Variants in SCAP observed in about 807,000 individuals in gnomAD.
SCAP encodes the protein SREBF chaperone.
SCAP carries 65 observed loss-of-function variants against 123.6 expected under a neutral mutation model. That is an observed-to-expected ratio of 0.53 (90% CI 0.43 to 0.65). The LOEUF is 0.65. Among genes scored for constraint, SCAP ranks in the 30% least tolerant of loss-of-function variants. The pLI, the probability that SCAP is intolerant of heterozygous loss-of-function variation, is 0.00. For synonymous variants in SCAP, 740 were observed against 726.3 expected, an observed-to-expected ratio of 1.02 and a Z score of -0.30; for missense variants, 1,398 against 1,712.5, an observed-to-expected ratio of 0.82 and a Z score of 3.24.
At chr3:47,427,132 GA>G in intron 6 of SCAP, 24 bp downstream of exon 6, 2 of 1,548,176 alleles carry the variant, frequency 1.3e-6, no homozygotes, top group Non-Finnish European at 1.8e-6. Context: ...GACCAGTCAA[GA>G]GCCCAGGGTA....
At chr3:47,451,940 C>A (rs35827617) in intron 1 of SCAP, among the ~76,000 whole-genome samples, 1,396 of 60,374 alleles carry the variant, frequency 0.023, 385 homozygotes, top group Middle Eastern at 0.079. Context: ...AACCTCATTC[C>A]CATCTCAGGG....
At chr3:47,448,379 T>C (rs757613619) in intron 1 of SCAP, among the ~76,000 whole-genome samples, 2 of 152,170 alleles carry the variant, frequency 1.3e-5, no homozygotes, top group African/African-American at 2.4e-5. Flanking sequence ...GTGGATTCTT[T>C]GGAAATTTCT....
At chr3:47,465,298 G>A (rs1347802986) in intron 1 of SCAP, among the ~76,000 whole-genome samples, 2 of 151,966 alleles carry the variant, frequency 1.3e-5, no homozygotes, top group Non-Finnish European at 2.9e-5. Context: ...AGCCTCCTGA[G>A]TAACTGGGAT....
chr3:47,472,277 C>G, intron 1 of SCAP, among the ~76,000 whole-genome samples: 3 of 148,248 alleles, frequency 2.0e-5, no homozygotes, highest in Middle Eastern at 7.2e-3. Context: ...ACTAAAAATA[C>G]AAAAAAATTA....
At chr3:47,421,575 G>C (rs1383018155) in intron 10 of SCAP, among the ~76,000 whole-genome samples, 1 of 152,264 alleles carries the variant, frequency 6.6e-6, no homozygotes, top group Non-Finnish European at 1.5e-5. Flanking sequence ...TGAGATGTCG[G>C]TGTTGAGACC....
At chr3:47,455,062 CAT>C (rs58460988) in intron 1 of SCAP, among the ~76,000 whole-genome samples, 14,639 of 127,372 alleles carry the variant, frequency 0.11, 837 homozygotes, top group Middle Eastern at 0.15. Flanking sequence ...AAAAAAATTA[CAT>C]ATATATATAT....
chr3:47,428,578 A>C lies in SCAP; in HGVS notation c.345T>G (p.Phe115Leu). 6.2e-7 allele frequency: 1 copy of C among 1,614,228 alleles called. No homozygotes were observed. Among genetic ancestry groups the C allele is most frequent in the Non-Finnish European group, 8.5e-7 (1 of 1,180,038 alleles). Reference sequence around the variant, plus strand: ...GGAATGCCCGGGACAAAGGTGAACGAAATACATCTACTGCCAGGAGGTTCT... The same window carrying C: ...GGAATGCCCGGGACAAAGGTGAACGCAATACATCTACTGCCAGGAGGTTCT... ...WHKNLLAVDVFRSPLSRAFQL... is the reference protein window; with the variant it reads ...WHKNLLAVDVLRSPLSRAFQL... Residue 115 changes from phenylalanine (F) to leucine (L), a missense_variant, in exon 4 of 23, where the codon TTT (phenylalanine) becomes TTG (leucine). Phe to Leu is a conservative substitution (Grantham distance 22). Around this residue, in one of 7 missense-constraint regions of SCAP, gnomAD observed 319 missense variants for 432.4 expected, o/e 0.74. Coordinates refer to ENST00000265565, the MANE Select transcript of SCAP (RefSeq NM_012235.4).
chr3:47,466,065 G>A (rs1339271607), intron 1 of SCAP, among the ~76,000 whole-genome samples: 1 of 150,710 alleles, frequency 6.6e-6, no homozygotes, highest in South Asian at 2.1e-4. Flanking sequence ...CCCAGGAGGT[G>A]GAGTTTGCAG....
intron 6 of SCAP, among the ~76,000 whole-genome samples, chr3:47,426,801 A>G (rs1211683965): frequency 6.6e-6 from 1 of 152,156 alleles, no homozygotes; most frequent in Non-Finnish European, 1.5e-5. Context: ...GCCCTTGCCA[A>G]TTGGGGAGCT....
chr3:47,462,569 C>T (rs559696771), intron 1 of SCAP, among the ~76,000 whole-genome samples: 20 of 151,828 alleles, frequency 1.3e-4, no homozygotes, highest in South Asian at 8.3e-4. Flanking sequence ...CTGGCTAACA[C>T]GGTGAAACCC....
intron 16 of SCAP, 57 bp downstream of exon 16, chr3:47,418,077 G>C: frequency 7.5e-7 from 1 of 1,332,810 alleles, no homozygotes; most frequent in Non-Finnish European, 1.0e-6. Context: ...GTGGCGGCGG[G>C]GGGTGGGGTG....
rs761238914 is a variant in SCAP, at chr3:47,443,033, C to G, written c.-40G>C. The G allele has an allele frequency of 6.2e-7, 1 of 1,611,904 alleles. No homozygotes were observed. The highest frequency in any genetic ancestry group is 1.1e-5 in the South Asian group (1 of 90,894). On this transcript the variant is annotated 5_prime_UTR_variant, in exon 2 of 23. Transcript: ENST00000265565. The stretch of plus-strand genomic sequence containing the variant: ...ACCTTGCTGCCATCCCGGAAAGTGA[C>G]CATGGATCACCCTGGCACACACTTG...
intron 1 of SCAP, among the ~76,000 whole-genome samples, chr3:47,463,494 G>T (rs1020419144): frequency 5.9e-5 from 9 of 152,150 alleles, no homozygotes; most frequent in Non-Finnish European, 1.0e-4. Context: ...TTGAGGTCAG[G>T]AGTTTGAGAC....
intron 1 of SCAP, among the ~76,000 whole-genome samples, chr3:47,471,021 T>C (rs903473024): frequency 6.6e-6 from 1 of 152,176 alleles, no homozygotes; most frequent in Non-Finnish European, 1.5e-5. Flanking sequence ...GTCCCCAAGT[T>C]AATGACTAAG....
Position 47,417,132 on chromosome 3 carries a change from A to AGTTTT in SCAP, c.3045_3046insAAAAC (p.Leu1016LysfsTer57). The stretch of plus-strand genomic sequence containing the variant: ...GCAGGCCACGCTCACCTTTTGTCCA[A>AGTTTT]GAACACCAGAGCGGTAATGCCTGAG... On this transcript the variant is annotated frameshift_variant, in exon 18 of 23. Transcript: ENST00000265565. LOFTEE classifies it high-confidence loss of function. 1 of 1,613,048 alleles carries AGTTTT rather than the reference A, an allele frequency of 6.2e-7. No homozygotes were observed. The highest frequency in any genetic ancestry group is 8.5e-7 in the Non-Finnish European group (1 of 1,179,984).
intron 3 of SCAP, among the ~76,000 whole-genome samples, chr3:47,433,382 C>T (rs1270843388): frequency 6.6e-6 from 1 of 152,180 alleles, no homozygotes; most frequent in African/African-American, 2.4e-5. Flanking sequence ...ATGGACAATG[C>T]TCCTGATTCC....
At chr3:47,427,968 T>C (rs1259429914) in intron 4 of SCAP, among the ~76,000 whole-genome samples, 1 of 152,020 alleles carries the variant, frequency 6.6e-6, no homozygotes, top group Admixed American at 6.6e-5. Context: ...GCCAGTTCAG[T>C]GGATGAGCAG....
chr3:47,418,479 GCAGCA>G lies in SCAP; in HGVS notation c.2168_2172del (p.Val723AlafsTer105). On this transcript the variant is annotated frameshift_variant, in exon 15 of 23. Transcript: ENST00000265565. LOFTEE classifies it high-confidence loss of function. ...AGCACGCGGTAGAGGCAGAGCAGCA[GCAGCA>G]CCAAGACGATGCCGGTGGCCAGGCC... The G allele has an allele frequency of 6.2e-7, 1 of 1,600,838 alleles. No individual in the cohort carries two copies. The highest frequency in any genetic ancestry group is 8.5e-7 in the Non-Finnish European group (1 of 1,175,602).
chr3:47,414,590 C>G lies in SCAP; in HGVS notation c.3369G>C (p.Thr1123=). 1 of 1,613,442 alleles carries G rather than the reference C, an allele frequency of 6.2e-7. No homozygotes were observed. Among genetic ancestry groups the G allele is most frequent in the Non-Finnish European group, 8.5e-7 (1 of 1,180,014 alleles). The change falls in exon 21 of 23, where the codon ACG becomes ACC. Residue 1123 remains threonine, a synonymous_variant. Transcript: ENST00000265565. ...FTLQGHSGAI[T]TVYIDQTMVL... ...CGCTTACCTGGTCAATGTACACGGT[C>G]GTGATGGCCCCTGAGTGGCCCTGAA...
Sources: gnomAD v4.1 joint callset for allele counts (sites outside exome capture counted in the v4.1 genomes callset) on GRCh38, gnomAD v4.1.1 for gene constraint, gnomAD v4.1.1 regional missense constraint, MANE v1.5 for transcripts, NCBI Gene and HGNC (gene_info 2026-07-23, HGNC 2026-07-21) for gene names.